Variants in MYO10 observed in about 807,000 individuals in gnomAD.
MYO10 encodes the protein myosin X, also known as unconventional myosin-X.
A neutral mutation model predicts 257.3 loss-of-function variants in MYO10; 133 were observed. That is an observed-to-expected ratio of 0.52 (90% CI 0.45 to 0.60). The LOEUF is 0.60. Among genes scored for constraint, MYO10 ranks in the 20% least tolerant of loss-of-function variants. The probability of loss-of-function intolerance (pLI) is 0.00; values close to 1 mark genes in which losing one functional copy is unlikely to be tolerated. For missense variants in MYO10, 2,399 were observed against 2,635.7 expected (o/e 0.91, Z 1.97); for synonymous variants, 1,104 against 1,028.6 (o/e 1.07, Z -1.40).
intron 34 of MYO10, 26 bp downstream of exon 34, chr5:16,676,005 G>T: frequency 6.3e-7 from 1 of 1,592,768 alleles, no homozygotes. Context: ...GGTCTCTGAG[G>T]AGTCGGGGTG....
chr5:16,846,110 G>A (rs2126731274), intron 2 of MYO10, among the ~76,000 whole-genome samples: 1 of 152,282 alleles, frequency 6.6e-6, no homozygotes, highest in East Asian at 1.9e-4. Flanking sequence ...CAGTGTCCAG[G>A]TGTTAAGGTG....
At chr5:16,933,280 C>T (rs1746345153) in intron 1 of MYO10, among the ~76,000 whole-genome samples, 2 of 152,146 alleles carry the variant, frequency 1.3e-5, no homozygotes, top group South Asian at 4.1e-4. Flanking sequence ...TGCGTTTAAC[C>T]TCCTACAACA....
chr5:16,792,157 A>AGAGAGG (rs1235467868), intron 4 of MYO10, among the ~76,000 whole-genome samples: 4 of 144,280 alleles, frequency 2.8e-5, no homozygotes, highest in African/African-American at 1.0e-4. Context: ...AGAGAGAGAG[A>AGAGAGG]GAGAGAGGGA....
At chr5:16,934,057 C>T (rs538893931) in intron 1 of MYO10, among the ~76,000 whole-genome samples, 5 of 152,282 alleles carry the variant, frequency 3.3e-5, no homozygotes, top group East Asian at 3.9e-4. Context: ...TCACTAATGG[C>T]CAACTGCAAA....
intron 19 of MYO10, among the ~76,000 whole-genome samples, chr5:16,741,442 T>C (rs912155832): frequency 1.4e-4 from 22 of 152,324 alleles, no homozygotes; most frequent in African/African-American, 5.3e-4. Flanking sequence ...CTGCAGTGTA[T>C]AAACTCTTAA....
intron 1 of MYO10, among the ~76,000 whole-genome samples, chr5:16,902,990 A>G (rs1745425921): frequency 6.6e-6 from 1 of 152,238 alleles, no homozygotes. Flanking sequence ...TGATCTCCCA[A>G]TGCCTCGTAA....
chr5:16,800,990 C>T (rs991023644), intron 3 of MYO10, among the ~76,000 whole-genome samples: 24 of 152,072 alleles, frequency 1.6e-4, no homozygotes, highest in African/African-American at 3.6e-4. Context: ...AAACCTTTCA[C>T]CTTTTAAGGT....
At chr5:16,697,477 A>G (rs913764946) in intron 26 of MYO10, among the ~76,000 whole-genome samples, 2 of 152,108 alleles carry the variant, frequency 1.3e-5, no homozygotes, top group African/African-American at 4.8e-5. Flanking sequence ...CAAGGAGGGC[A>G]GATCACAAGG....
chr5:16,729,520 T>C (rs1319267379), intron 19 of MYO10, among the ~76,000 whole-genome samples: 2 of 151,680 alleles, frequency 1.3e-5, no homozygotes, highest in Non-Finnish European at 2.9e-5. Context: ...GGCGCGATCT[T>C]GGCTCACTGC....
intron 17 of MYO10, among the ~76,000 whole-genome samples, chr5:16,760,128 A>G (rs1389903924): frequency 1.3e-5 from 2 of 151,720 alleles, no homozygotes; most frequent in East Asian, 3.9e-4. Flanking sequence ...TTTTCCCTAA[A>G]CTCTTTCTCT....
chr5:16,722,712 G>A (rs1056111471), intron 19 of MYO10, among the ~76,000 whole-genome samples: 1 of 152,168 alleles, frequency 6.6e-6, no homozygotes, highest in South Asian at 2.1e-4. Flanking sequence ...TGTATGTAAT[G>A]TAAATCACAA....
intron 3 of MYO10, among the ~76,000 whole-genome samples, chr5:16,798,791 G>A (rs1198242735): frequency 2.0e-5 from 3 of 151,716 alleles, no homozygotes; most frequent in Non-Finnish European, 4.4e-5. Context: ...TCTTTATGCA[G>A]CCAGGTAGGT....
chr5:16,794,572 G>C, intron 4 of MYO10, 74 bp downstream of exon 4: 1 of 1,392,818 alleles, frequency 7.2e-7, no homozygotes. Context: ...AATGCCCTAA[G>C]GAGGCTGGGG....
In MYO10 at chr5:16,935,741, T is replaced by TC. The variant is rs759425351; in HGVS notation, c.21+46dup. ...GCGCGCGGCGTGGTGGGCAGACGCC[T>TC]CTCTCCCTGGGCTCCGGAGGCCAGG... is the stretch of plus-strand genomic sequence containing the variant. On this transcript the variant is annotated intron_variant, in intron 1 of 40. Coordinates refer to ENST00000513610, the MANE Select transcript of MYO10 (RefSeq NM_012334.3). 1.6e-5 allele frequency: 26 copies of TC among 1,611,780 alleles called. No homozygotes were observed. The African/African-American group carries it at 2.5e-4, about 16-fold the overall frequency.
At chr5:16,924,251 T>C (rs1195679224) in intron 1 of MYO10, among the ~76,000 whole-genome samples, 1 of 152,130 alleles carries the variant, frequency 6.6e-6, no homozygotes, top group African/African-American at 2.4e-5. Context: ...ATCAAGAGCC[T>C]TGTTTGCAAT....
chr5:16,873,206 G>A lies in MYO10; in HGVS notation c.120+4403C>T, dbSNP rs549568990. On this transcript the variant is annotated intron_variant, in intron 2 of 40. Transcript: ENST00000513610. ...TGGGTAAATAAAGCCATTCCAAATA[G>A]GAGAAATTGGCCAAAACAAAGAGGT... is the stretch of plus-strand genomic sequence containing the variant. Among the ~76,000 whole-genome samples the A allele has an allele frequency of 3.3e-5, 5 of 152,306 alleles. No homozygotes were observed. The South Asian group carries it at 8.3e-4, about 25-fold the overall frequency.
At chr5:16,918,478 T>C (rs1421906908) in intron 1 of MYO10, among the ~76,000 whole-genome samples, 1 of 150,122 alleles carries the variant, frequency 6.7e-6, no homozygotes, top group Non-Finnish European at 1.5e-5. Flanking sequence ...ACACAAAATT[T>C]CACTGAAACT....
intron 23 of MYO10, 82 bp from the exon 24 acceptor site, chr5:16,702,670 G>A: frequency 7.4e-7 from 1 of 1,353,454 alleles, no homozygotes; most frequent in Non-Finnish European, 1.0e-6. Flanking sequence ...TTTTAAAACA[G>A]CTTTGCCAAA....
At chr5:16,778,547 A>G (rs1022806407) in intron 9 of MYO10, among the ~76,000 whole-genome samples, 1 of 152,068 alleles carries the variant, frequency 6.6e-6, no homozygotes, top group African/African-American at 2.4e-5. Flanking sequence ...AGCCTGACGT[A>G]CGCACTGGGG....
Sources: allele counts gnomAD v4.1 joint callset (sites outside exome capture counted in the v4.1 genomes callset), GRCh38; gene constraint gnomAD v4.1.1; transcripts MANE v1.5; gene names NCBI Gene and HGNC (gene_info 2026-07-23, HGNC 2026-07-21).